The following NBAS variants were observed in gnomAD, a reference collection of about 807,000 sequenced individuals.
The protein encoded by NBAS is NAG/BC035112 fusion.
In NBAS, 219 loss-of-function variants were observed where a neutral mutation model predicts 302.5. The ratio of observed to expected loss-of-function variants is 0.72; its 90% CI spans 0.65 to 0.81. The LOEUF is 0.81. Ranked by LOEUF, NBAS falls within the 30% of genes least tolerant of loss-of-function variation. NBAS has a pLI of 0.00. For synonymous variants in NBAS, 1,118 were observed against 1,021.6 expected (o/e 1.09, Z -1.80); for missense variants, 2,932 against 2,841.6 (o/e 1.03, Z -0.72).
At chr2:15,293,691 AG>A (rs1670422681) in intron 40 of NBAS, among the ~76,000 whole-genome samples, 1 of 152,176 alleles carries the variant, frequency 6.6e-6, no homozygotes, top group African/African-American at 2.4e-5. Context: ...AGAAACACAC[AG>A]CTAATTATAG....
intron 49 of NBAS, among the ~76,000 whole-genome samples, chr2:15,189,353 G>A (rs1404545559): frequency 6.6e-6 from 1 of 152,142 alleles, no homozygotes; most frequent in African/African-American, 2.4e-5. Flanking sequence ...ATATTTGTTG[G>A]CAGTCCTAAC....
chr2:14,806,445 C>T, the NBAS span, among the ~76,000 whole-genome samples: 2 of 152,216 alleles, frequency 1.3e-5, no homozygotes, highest in African/African-American at 4.8e-5. Context: ...AACAAAGATT[C>T]TTGGACATAA....
At chr2:15,163,828 G>A (rs371966293), downstream of NBAS, among the ~76,000 whole-genome samples, 1 of 147,138 alleles carries the variant, frequency 6.8e-6, no homozygotes, top group Non-Finnish European at 1.5e-5. Flanking sequence ...CAAGAGTCTC[G>A]CTCTGTTGCC....
intron 41 of NBAS, among the ~76,000 whole-genome samples, chr2:15,287,394 T>C (rs1345590653): frequency 6.6e-6 from 1 of 152,238 alleles, no homozygotes; most frequent in Non-Finnish European, 1.5e-5. Flanking sequence ...TACTAAGGAC[T>C]TGTCTAGACC....
At chr2:14,959,685 A>G in the NBAS span, among the ~76,000 whole-genome samples, 2 of 152,190 alleles carry the variant, frequency 1.3e-5, no homozygotes, top group African/African-American at 4.8e-5. Flanking sequence ...ATCTTCCATG[A>G]TTCCAGGACT....
the NBAS span, among the ~76,000 whole-genome samples, chr2:14,812,169 A>G: frequency 6.6e-6 from 1 of 152,192 alleles, no homozygotes; most frequent in African/African-American, 2.4e-5. Context: ...AGCTTCCTGG[A>G]GGCAGGCATA....
chr2:15,342,346 T>C (rs1672894801), intron 35 of NBAS, among the ~76,000 whole-genome samples: 1 of 152,166 alleles, frequency 6.6e-6, no homozygotes, highest in Non-Finnish European at 1.5e-5. Context: ...TCATGGTACA[T>C]GCATCCAATG....
chr2:15,504,260 A>G (rs774757904), intron 10 of NBAS, 47 bp from the exon 11 acceptor site: 10 of 1,426,610 alleles, frequency 7.0e-6, no homozygotes, highest in Non-Finnish European at 9.9e-6. Flanking sequence ...GAAATGACTT[A>G]TCGTTGTAAA....
At chr2:14,878,306 C>T in the NBAS span, among the ~76,000 whole-genome samples, 2 of 152,160 alleles carry the variant, frequency 1.3e-5, no homozygotes, top group African/African-American at 4.8e-5. Flanking sequence ...AACTGCAACG[C>T]CATTGCAGCA....
chr2:15,439,376 C>A (rs1678218084), intron 21 of NBAS, among the ~76,000 whole-genome samples: 1 of 151,796 alleles, frequency 6.6e-6, no homozygotes, highest in Non-Finnish European at 1.5e-5. Context: ...AAAGGCTGCC[C>A]TGTTCCCACT....
At chr2:15,158,028 A>G in the NBAS span, among the ~76,000 whole-genome samples, 7 of 152,184 alleles carry the variant, frequency 4.6e-5, no homozygotes, top group African/African-American at 1.2e-4. Flanking sequence ...ACAGTGCCCA[A>G]GGGAACCGGG....
the NBAS span, among the ~76,000 whole-genome samples, chr2:15,067,386 AGGGGAGGGGAGGGGAGGG>A: frequency 1.8e-5 from 1 of 54,706 alleles, no homozygotes; most frequent in Non-Finnish European, 3.0e-5. Flanking sequence ...AGAGGAGAGG[AGGGGAGGGGAGGGGAGGG>A]GAGGGGAGGG....
At chr2:15,125,412 A>C in the NBAS span, among the ~76,000 whole-genome samples, 202 of 152,230 alleles carry the variant, frequency 1.3e-3, no homozygotes, top group Non-Finnish European at 6.6e-4. Context: ...AAATGACTAG[A>C]TCTCACAAGA....
chr2:15,122,324 C>T, the NBAS span, among the ~76,000 whole-genome samples: 1 of 152,126 alleles, frequency 6.6e-6, no homozygotes, highest in African/African-American at 2.4e-5. Flanking sequence ...AGTGAGCCCT[C>T]AGGGAACTTC....
At chr2:15,144,296 C>A in the NBAS span, among the ~76,000 whole-genome samples, 2 of 151,900 alleles carry the variant, frequency 1.3e-5, no homozygotes, top group African/African-American at 2.4e-5. Context: ...CTATATGCAC[C>A]AAGGTAATTT....
At chr2:15,415,009 T>C (rs888704104) in intron 25 of NBAS, among the ~76,000 whole-genome samples, 13 of 152,198 alleles carry the variant, frequency 8.5e-5, no homozygotes, top group African/African-American at 2.9e-4. Context: ...GCATAAATAC[T>C]GTGAAGGTCC....
intron 9 of NBAS, among the ~76,000 whole-genome samples, chr2:15,512,309 A>G (rs900937017): frequency 1.3e-5 from 2 of 152,100 alleles, no homozygotes; most frequent in Admixed American, 1.3e-4. Context: ...CTCAATACGG[A>G]CCCTTCAAGA....
In NBAS at chr2:15,394,334, C is replaced by T. The variant is rs755884382; in HGVS notation, c.3150G>A (p.Leu1050=). 6.8e-6 allele frequency: 11 copies of T among 1,612,730 alleles called. No individual in the cohort carries two copies. In the South Asian group the frequency reaches 1.2e-4, roughly 18 times the overall value. The change falls in exon 28 of 52, where the codon TTG becomes TTA. Residue 1050 remains leucine (L), a synonymous_variant. Transcript: ENST00000281513. ...LEQILSVSEL[L]EKHGLEKPIS... ...TTGGTTTCTCGAGTCCATGTTTTTC[C>T]AAAAGCTCTGACACACTATAAGTGA...
At chr2:14,818,832 T>C in the NBAS span, among the ~76,000 whole-genome samples, 1 of 152,250 alleles carries the variant, frequency 6.6e-6, no homozygotes, top group African/African-American at 2.4e-5. Flanking sequence ...CTCCGGGTAC[T>C]GAAGCACAGT....
Sources: allele counts gnomAD v4.1 joint callset (sites outside exome capture counted in the v4.1 genomes callset), GRCh38; gene constraint gnomAD v4.1.1; transcripts MANE v1.5; gene names NCBI Gene and HGNC (gene_info 2026-07-23, HGNC 2026-07-21).